The following TNS1 variants were observed in gnomAD, a reference collection of about 807,000 sequenced individuals.
TNS1 encodes tensin 1, also known as tensin-1.
A neutral mutation model predicts 168.6 loss-of-function variants in TNS1; 62 were observed. The ratio of observed to expected loss-of-function variants is 0.37; its 90% confidence interval spans 0.30 to 0.45. The LOEUF (loss-of-function observed/expected upper bound fraction) is 0.45. Ranked by LOEUF, TNS1 falls within the 20% of genes least tolerant of loss-of-function variation. The pLI is 1.00. For missense variants in TNS1, 2,240 were observed against 2,339.4 expected, an observed-to-expected ratio of 0.96 and a Z score of 0.88; for synonymous variants, 934 against 933.2, an observed-to-expected ratio of 1.00 and a Z score of -0.02.
At chr2:217,888,506 G>T (rs751455217) in intron 12 of TNS1, among the ~76,000 whole-genome samples, 6 of 152,194 alleles carry the variant, frequency 3.9e-5, no homozygotes, top group Non-Finnish European at 7.3e-5. Context: ...AGATGATATG[G>T]TTTGGCTGCA....
upstream of TNS1, among the ~76,000 whole-genome samples, chr2:218,014,919 G>GGAAA (rs1958743752): frequency 2.6e-5 from 2 of 78,204 alleles, no homozygotes; most frequent in African/African-American, 9.4e-5. Context: ...AAGGAAGGAA[G>GGAAA]GAAGGCAGGC....
intron 21 of TNS1, 63 bp downstream of exon 21, chr2:217,835,028 G>T: frequency 6.9e-7 from 1 of 1,449,148 alleles, no homozygotes; most frequent in South Asian, 1.4e-5. Context: ...ACTCCCACAG[G>T]CAGGGTTGAG....
rs1261985868 is a variant in TNS1, at chr2:217,880,094, C to A, written c.1429+804G>T. 6.6e-6 allele frequency among the ~76,000 whole-genome samples: 1 copy of A among 152,224 alleles called. No homozygotes were observed. The highest frequency in any genetic ancestry group is 1.5e-5 in the Non-Finnish European group (1 of 68,036). ...CCTACGACCAACTCAAGAAAAGAAG[C>A]TTGTGGCCAAACCCCAGGCAGGGCA... On this transcript the variant is annotated intron_variant, in intron 18 of 32. Transcript: ENST00000682258. This position sits in a 1 kb window ranked among gnomAD's most constrained non-coding sequence, Gnocchi z 4.2.
At position 218,032,646 on chromosome 2, in the gene TNS1, G is replaced by A. The variant is rs73082308; in HGVS notation, c.156+1174C>T. Among the ~76,000 whole-genome samples, 2,138 of 152,258 alleles carry A rather than the reference G, an allele frequency of 0.014. 57 individuals are homozygous for A. Among genetic ancestry groups the A allele is most frequent in the African/African-American group, 0.048 (2,010 of 41,532 alleles). Reference sequence around the variant, plus strand: ...GGAGATGTTTATCTGCCCCAAGAACGAGGGTATCACCCCTCCTCTAGTGAG... The same window carrying A: ...GGAGATGTTTATCTGCCCCAAGAACAAGGGTATCACCCCTCCTCTAGTGAG... On this transcript the variant is annotated intron_variant, in intron 1 of 1. Coordinates refer to the TNS1 transcript ENST00000649572. The surrounding 1 kb of genome is among the most constrained non-coding windows in gnomAD (Gnocchi z 4.0).
intron 9 of TNS1, among the ~76,000 whole-genome samples, chr2:217,894,805 G>GA (rs1345207561): frequency 1.7e-4 from 26 of 152,222 alleles, no homozygotes; most frequent in African/African-American, 6.3e-4. Flanking sequence ...GACCTGGGTG[G>GA]AAAGTCACTG....
At chr2:218,011,748 G>C (rs374729930), upstream of TNS1, among the ~76,000 whole-genome samples, 21 of 152,076 alleles carry the variant, frequency 1.4e-4, no homozygotes, top group African/African-American at 4.6e-4. Context: ...TCCCCACCTC[G>C]AGACAAGGCA....
upstream of TNS1, chr2:218,003,110 G>A (rs1958598445): frequency 2.7e-6 from 1 of 369,642 alleles, no homozygotes; most frequent in Non-Finnish European, 5.4e-6. Flanking sequence ...TCCACCGGTG[G>A]CCTTGAGGGT....
chr2:217,833,823 T>C (rs1408435575), intron 21 of TNS1, among the ~76,000 whole-genome samples: 2 of 152,246 alleles, frequency 1.3e-5, no homozygotes, highest in African/African-American at 4.8e-5. Context: ...CTTTTTTACA[T>C]TGATTATACG....
chr2:217,981,804 G>A (rs918018846), intron 2 of TNS1, among the ~76,000 whole-genome samples: 23 of 152,288 alleles, frequency 1.5e-4, no homozygotes, highest in Admixed American at 5.9e-4. Flanking sequence ...ACGTGCATCC[G>A]TCTTGCTGTA....
intron 3 of TNS1, among the ~76,000 whole-genome samples, chr2:217,977,682 T>G (rs1957930550): frequency 6.6e-6 from 1 of 152,160 alleles, no homozygotes; most frequent in Admixed American, 6.5e-5. Context: ...TCCCATATCC[T>G]TGAGAATGAA....
intron 22 of TNS1, chr2:217,829,946 G>A: frequency 6.3e-7 from 1 of 1,598,430 alleles, no homozygotes; most frequent in South Asian, 1.1e-5. Flanking sequence ...AGGTGGTGAA[G>A]ATGAGGAAGA....
intron 9 of TNS1, among the ~76,000 whole-genome samples, chr2:217,894,381 A>G (rs1808466): frequency 0.19 from 28,402 of 152,128 alleles, 3,392 homozygotes; most frequent in East Asian, 0.42. Flanking sequence ...ACAGGTCCAG[A>G]CGCGCTGGCC....
intron 18 of TNS1, among the ~76,000 whole-genome samples, chr2:217,863,984 A>C (rs1307170779): frequency 6.6e-6 from 1 of 152,170 alleles, no homozygotes; most frequent in Non-Finnish European, 1.5e-5. Context: ...GACAAGCTTC[A>C]GGCACCCCTG....
At position 217,848,195 on chromosome 2, in the gene TNS1, C is replaced by G. The variant is rs3796031; in HGVS notation, c.2322G>C (p.Ser774=). 6.2e-7 allele frequency: 1 copy of G among 1,600,252 alleles called. No homozygotes were observed. The highest frequency in any genetic ancestry group is 1.1e-5 in the South Asian group (1 of 88,470). Residue 774 remains serine, a synonymous_variant, in exon 19 of 33, where the codon TCG becomes TCC. Coordinates refer to ENST00000682258, the MANE Select transcript of TNS1 (RefSeq NM_001387777.1). ...GCTGCTGCTGCTGCTGCTGCTGCCA[C>G]GAATTCAGTCCCCTTTGCACAGCCT... The part of the protein sequence containing the change: ...SREAVQRGLN[S]WQQQQQQQQQ...
At chr2:217,805,555 A>ACACACACATACACCAC (rs1559132481) in intron 32 of TNS1, among the ~76,000 whole-genome samples, 13 of 1,004 alleles carry the variant, frequency 0.013, no homozygotes, top group Non-Finnish European at 0.018. Context: ...ACCACACACC[A>ACACACACATACACCAC]CACACACCAC....
intron 28 of TNS1, among the ~76,000 whole-genome samples, chr2:217,812,045 A>T (rs1231092118): frequency 6.6e-6 from 1 of 152,050 alleles, no homozygotes; most frequent in Non-Finnish European, 1.5e-5. Context: ...CCTCCAGGAC[A>T]TGTCTCCTGT....
At chr2:217,868,691 C>A (rs75913185) in intron 18 of TNS1, among the ~76,000 whole-genome samples, 2,391 of 152,280 alleles carry the variant, frequency 0.016, 53 homozygotes, top group African/African-American at 0.054. Context: ...AACACTGAGG[C>A]CCAGAAAAGC....
intron 3 of TNS1, among the ~76,000 whole-genome samples, chr2:217,971,225 G>A (rs1177405206): frequency 2.0e-5 from 3 of 152,102 alleles, no homozygotes; most frequent in Non-Finnish European, 4.4e-5. Context: ...ACACACCTTT[G>A]CAGCCAATCT....
At chr2:217,866,896 G>C (rs1574876744) in intron 18 of TNS1, among the ~76,000 whole-genome samples, 1 of 152,300 alleles carries the variant, frequency 6.6e-6, no homozygotes, top group South Asian at 2.1e-4. Context: ...TATTCCCTAG[G>C]TTCTCAAACC....
Sources: allele counts gnomAD v4.1 joint callset (sites outside exome capture counted in the v4.1 genomes callset), GRCh38; gene constraint gnomAD v4.1.1; non-coding constraint Gnocchi (gnomAD v3.1); transcripts MANE v1.5; gene names NCBI Gene and HGNC (gene_info 2026-07-23, HGNC 2026-07-21).